The following LANCL2 variants were observed in gnomAD, a reference collection of about 807,000 sequenced individuals.
LANCL2 encodes the protein lanC-like protein 2.
LANCL2 carries 33 observed loss-of-function variants against 56.9 expected under a neutral mutation model. The ratio of observed to expected loss-of-function variants is 0.58; its 90% CI spans 0.44 to 0.78. LANCL2 has a LOEUF of 0.78. Ranked by LOEUF, LANCL2 falls within the 30% of genes least tolerant of loss-of-function variation. The probability of loss-of-function intolerance (pLI) is 0.00; values close to 1 mark genes in which losing one functional copy is unlikely to be tolerated. For synonymous variants in LANCL2, 233 were observed against 228.2 expected (o/e 1.02, Z -0.19); for missense variants, 562 against 580.2 (o/e 0.97, Z 0.32).
intron 2 of LANCL2, among the ~76,000 whole-genome samples, chr7:55,394,647 GT>G (rs1258772998): frequency 5.3e-5 from 8 of 152,186 alleles, no homozygotes; most frequent in Non-Finnish European, 1.0e-4. Context: ...GTCATGTTGG[GT>G]AAAAAACAAG....
chr7:55,411,088 A>G (rs1276992600), intron 5 of LANCL2, among the ~76,000 whole-genome samples: 1 of 152,152 alleles, frequency 6.6e-6, no homozygotes, highest in Non-Finnish European at 1.5e-5. Flanking sequence ...TTAACATGTC[A>G]CCCTAAGATG....
In LANCL2 at chr7:55,433,494, C is replaced by T. The variant is rs189132038; in HGVS notation, c.*2174C>T. The T allele has an allele frequency of 1.2e-4, 19 of 152,260 alleles. No homozygotes were observed. The highest frequency in any genetic ancestry group is 4.6e-4 in the African/African-American group (19 of 41,554). The allele number at this position is 152,260 out of a possible 1,614,324, so 9.4% of individuals were successfully genotyped here. On this transcript the variant is annotated 3_prime_UTR_variant, in exon 9 of 9. Transcript: ENST00000254770. ...CCAGGCAAAGGAGAAACGGGACTTACTTCACAGGACAGAGGATTGACAGAA... is the reference window on the plus strand; with the variant it reads ...CCAGGCAAAGGAGAAACGGGACTTATTTCACAGGACAGAGGATTGACAGAA...
At chr7:55,390,876 A>G (rs905956595) in intron 1 of LANCL2, among the ~76,000 whole-genome samples, 2 of 152,074 alleles carry the variant, frequency 1.3e-5, no homozygotes, top group Non-Finnish European at 2.9e-5. Flanking sequence ...GAGACTGCCA[A>G]CAATGAATAA....
Position 55,369,935 on chromosome 7 carries a change from T to C in LANCL2, c.204+3706T>C, listed in dbSNP as rs79229956. 3.3e-3 allele frequency among the ~76,000 whole-genome samples: 510 copies of C among 152,354 alleles called. 4 individuals carry two copies. The highest frequency in any genetic ancestry group is 0.012 in the African/African-American group (498 of 41,584). ...GAGTAAAGGCCCCTGTGATTAGCTC[T>C]GTTGCTGTGTAATAATTATCCCAAC... On this transcript the variant is annotated intron_variant, in intron 1 of 8. Transcript: ENST00000254770.
chr7:55,389,982 A>G (rs984664298), intron 1 of LANCL2, among the ~76,000 whole-genome samples: 3 of 152,176 alleles, frequency 2.0e-5, no homozygotes, highest in African/African-American at 4.8e-5. Flanking sequence ...TCCAGGATTG[A>G]GGAAACTTCT....
In LANCL2 at chr7:55,378,171, C is replaced by T. The variant is rs149431595; in HGVS notation, c.204+11942C>T. On this transcript the variant is annotated intron_variant, in intron 1 of 8. Coordinates refer to ENST00000254770, the MANE Select transcript of LANCL2 (RefSeq NM_018697.4). ...GTAATTGTTAGTTATCTTTATAATA[C>T]CATTATTGCCAGGTGCAGTGGCTCA... 6.3e-3 allele frequency among the ~76,000 whole-genome samples: 967 copies of T among 152,286 alleles called. 4 individuals are homozygous for T. The highest frequency in any genetic ancestry group is 9.9e-3 in the Non-Finnish European group (671 of 68,016).
At chr7:55,377,697 T>C (rs1270200015) in intron 1 of LANCL2, among the ~76,000 whole-genome samples, 1 of 152,226 alleles carries the variant, frequency 6.6e-6, no homozygotes, top group African/African-American at 2.4e-5. Context: ...TGCTTTATAA[T>C]ACACTTGGGC....
chr7:55,429,091 T>C (rs1380269919), intron 8 of LANCL2, among the ~76,000 whole-genome samples: 1 of 152,212 alleles, frequency 6.6e-6, no homozygotes, highest in African/African-American at 2.4e-5. Context: ...GGTTTTTGCA[T>C]CTCTATTCAT....
Position 55,366,123 on chromosome 7 carries a change from C to T in LANCL2, c.98C>T (p.Ala33Val). 2.6e-6 allele frequency: 4 copies of T among 1,546,010 alleles called. No homozygotes were observed. Among genetic ancestry groups the T allele is most frequent in the Non-Finnish European group, 3.5e-6 (4 of 1,142,942 alleles). ...GTCAACCCCTTCCCGGACTACGAGG[C>T]CGCCGCCGGGGCGCTGCTCGCCTCC... ...AFVNPFPDYE[A>V]AAGALLASGA... The change falls in exon 1 of 9, where the codon GCC becomes GTC. Residue 33 changes from alanine to valine, a missense_variant. Physicochemically the swap from Ala to Val is moderately conservative, Grantham distance 64 (BLOSUM62 0). Coordinates refer to ENST00000254770, the MANE Select transcript of LANCL2 (RefSeq NM_018697.4).
intron 6 of LANCL2, among the ~76,000 whole-genome samples, chr7:55,421,973 C>T (rs1363958962): frequency 6.6e-6 from 1 of 152,192 alleles, no homozygotes; most frequent in African/African-American, 2.4e-5. Context: ...CTCAAGTGAT[C>T]CTTCTGCTTC....
intron 5 of LANCL2, among the ~76,000 whole-genome samples, chr7:55,410,377 A>G (rs1032977631): frequency 1.3e-5 from 2 of 152,236 alleles, no homozygotes; most frequent in African/African-American, 4.8e-5. Flanking sequence ...TCTACTAAGT[A>G]TAGTTTTATT....
chr7:55,407,166 A>C (rs1435944397), intron 5 of LANCL2, among the ~76,000 whole-genome samples: 1 of 152,206 alleles, frequency 6.6e-6, no homozygotes, highest in Non-Finnish European at 1.5e-5. Context: ...AAAAGGAGTT[A>C]GGTCTGGAAA....
intron 4 of LANCL2, 56 bp downstream of exon 4, chr7:55,400,160 G>A: frequency 7.2e-7 from 1 of 1,386,168 alleles, no homozygotes; most frequent in Non-Finnish European, 9.6e-7. Context: ...CTATTTGCTA[G>A]CATTGAGTTG....
chr7:55,414,594 G>T (rs1790505911), intron 6 of LANCL2, among the ~76,000 whole-genome samples: 2 of 152,148 alleles, frequency 1.3e-5, no homozygotes, highest in Non-Finnish European at 2.9e-5. Context: ...TGCTCATCAT[G>T]TGTTAGTATT....
intron 6 of LANCL2, among the ~76,000 whole-genome samples, chr7:55,412,595 C>T (rs545310368): frequency 1.3e-5 from 2 of 152,324 alleles, no homozygotes; most frequent in South Asian, 4.1e-4. Flanking sequence ...GCTAAACCTT[C>T]ACTGATTAAT....
chr7:55,414,747 A>C (rs545851637), intron 6 of LANCL2, among the ~76,000 whole-genome samples: 26 of 152,258 alleles, frequency 1.7e-4, no homozygotes, highest in African/African-American at 6.3e-4. Flanking sequence ...TGGGAGGCCA[A>C]GGCAGGAGGG....
intron 1 of LANCL2, among the ~76,000 whole-genome samples, chr7:55,378,851 G>T (rs553935379): frequency 6.6e-6 from 1 of 152,214 alleles, no homozygotes; most frequent in East Asian, 1.9e-4. Flanking sequence ...TACTCCAGTA[G>T]GCTGGGCGCG....
At chr7:55,381,676 A>T (rs1393913740) in intron 1 of LANCL2, among the ~76,000 whole-genome samples, 1 of 152,232 alleles carries the variant, frequency 6.6e-6, no homozygotes. Context: ...AGACCCCTGT[A>T]ACAAAAGACA....
At chr7:55,385,965 G>A (rs1790120821) in intron 1 of LANCL2, among the ~76,000 whole-genome samples, 1 of 152,202 alleles carries the variant, frequency 6.6e-6, no homozygotes, top group Non-Finnish European at 1.5e-5. Flanking sequence ...AAAGAATTCA[G>A]CGATATTTCT....
Sources: allele counts gnomAD v4.1 joint callset (sites outside exome capture counted in the v4.1 genomes callset), GRCh38; gene constraint gnomAD v4.1.1; transcripts MANE v1.5; gene names NCBI Gene and HGNC (gene_info 2026-07-23, HGNC 2026-07-21).